Variants in PXDN observed in about 807,000 individuals in gnomAD.
The protein encoded by PXDN is peroxidasin, also known as peroxidasin homolog.
In PXDN, 77 loss-of-function variants were observed where a neutral mutation model predicts 140.3. The observed-to-expected ratio is 0.55, with a 90% CI of 0.46 to 0.66. The LOEUF (loss-of-function observed/expected upper bound fraction) is 0.66. Ranked by LOEUF, PXDN falls within the 30% of genes least tolerant of loss-of-function variation. The pLI, the probability that PXDN is intolerant of heterozygous loss-of-function variation, is 0.00. For synonymous variants in PXDN, 911 were observed against 857.4 expected, an observed-to-expected ratio of 1.06 and a Z score of -1.09; for missense variants, 1,838 against 2,039.5, an observed-to-expected ratio of 0.90 and a Z score of 1.90.
Position 1,638,910 on chromosome 2 carries a change from C to T in PXDN, c.4142G>A (p.Gly1381Glu). ...SAFSTRSDAS[G>E]TNDFREFVLE... is the part of the protein sequence containing the mutation. ...AACAAACTCTCTGAAGTCATTTGTC[C>T]CAGATGCATCTGAGCGTGTGCTGAA... is the stretch of plus-strand genomic sequence containing the variant. Residue 1381 changes from glycine (G) to glutamate (E), a missense_variant, in exon 21 of 23, where the codon GGG becomes GAG. By Grantham distance (98) the Gly-to-Glu change is moderately conservative. This residue lies in a region of PXDN where 850 missense variants were observed against 894.1 expected (regional missense o/e 0.95). Transcript: ENST00000252804. 3 of 1,613,996 alleles carry T rather than the reference C, an allele frequency of 1.9e-6. No homozygotes were observed. The highest frequency in any genetic ancestry group is 2.5e-6 in the Non-Finnish European group (3 of 1,179,866).
chr2:1,725,940 G>C (rs1480736774), intron 1 of PXDN, among the ~76,000 whole-genome samples: 1 of 150,394 alleles, frequency 6.6e-6, no homozygotes, highest in African/African-American at 2.4e-5. Context: ...AGGTGCTGGA[G>C]AGGATGTGGA....
Position 1,673,787 on chromosome 2 carries a change from A to T in PXDN, c.874T>A (p.Ser292Thr). Residue 292 changes from serine (S) to threonine (T), a missense_variant, in exon 9 of 23, where the codon TCC becomes ACC. This residue lies in a region of PXDN where 208 missense variants were observed against 325.8 expected (regional missense o/e 0.64). Transcript: ENST00000252804. ...CCATCGTCCAGCAAGTTTAGGCGGG[A>T]ATCTGTCTTCATGCTCAGCTCATTA... is the stretch of plus-strand genomic sequence containing the variant. ...NNNELSMKTD[S>T]RLNLLDDGTL... The T allele has an allele frequency of 1.2e-6, 2 of 1,613,998 alleles. No homozygotes were observed. The highest frequency in any genetic ancestry group is 1.7e-6 in the Non-Finnish European group (2 of 1,179,892).
intron 6 of PXDN, among the ~76,000 whole-genome samples, chr2:1,681,309 C>CA (rs1491165705): frequency 6.7e-6 from 1 of 149,574 alleles, no homozygotes; most frequent in African/African-American, 2.5e-5. Flanking sequence ...CTCTATTTCC[C>CA]TTTTTTTTTT....
chr2:1,683,888 TTCC>T (rs957299254), intron 5 of PXDN, among the ~76,000 whole-genome samples, 161 bp from the exon 6 acceptor site: 3 of 151,272 alleles, frequency 2.0e-5, no homozygotes, highest in Non-Finnish European at 4.4e-5. Context: ...TGGTTTTTTT[TTCC>T]TGTTTTATCA....
intron 1 of PXDN, among the ~76,000 whole-genome samples, chr2:1,700,826 G>GACC (rs1684407891): frequency 1.3e-5 from 2 of 152,176 alleles, no homozygotes; most frequent in Non-Finnish European, 2.9e-5. Context: ...AGTGAGCTGA[G>GACC]ATGGAGCCAC....
intron 6 of PXDN, 142 bp from the exon 7 acceptor site, chr2:1,680,504 G>A (rs982806876): frequency 2.2e-5 from 23 of 1,032,694 alleles, no homozygotes; most frequent in African/African-American, 1.1e-4. Context: ...GACACGTCTC[G>A]TGGTGGAATC....
At chr2:1,656,533 A>G (rs1275243528) in intron 14 of PXDN, among the ~76,000 whole-genome samples, 1 of 152,024 alleles carries the variant, frequency 6.6e-6, no homozygotes, top group Admixed American at 6.5e-5. Context: ...CCTGACAGAA[A>G]GCTGCCCCCT....
intron 1 of PXDN, among the ~76,000 whole-genome samples, chr2:1,709,367 G>A (rs941363188): frequency 3.7e-4 from 56 of 152,176 alleles, no homozygotes; most frequent in African/African-American, 1.3e-3. Context: ...GACGAGGGCA[G>A]GGTGTGTGGT....
At position 1,737,684 on chromosome 2, in the gene PXDN, G is replaced by A. The variant is rs377433847; in HGVS notation, c.200+6572C>T. On this transcript the variant is annotated intron_variant, in intron 1 of 22. Coordinates refer to ENST00000252804, the MANE Select transcript of PXDN (RefSeq NM_012293.3). ...CCTCCCGATAGCTGGAACTACAGGC[G>A]TGAGCCACCACGCCCGGCTAATTTT... Among the ~76,000 whole-genome samples, 6 of 151,924 alleles carry A rather than the reference G, an allele frequency of 3.9e-5. No individual in the cohort carries two copies. In the South Asian group the frequency reaches 6.2e-4, roughly 16 times the overall value.
intron 1 of PXDN, among the ~76,000 whole-genome samples, chr2:1,695,220 A>G (rs1438586383): frequency 2.6e-5 from 4 of 152,236 alleles, no homozygotes; most frequent in Non-Finnish European, 5.9e-5. Context: ...CCTTCCTGAC[A>G]TGCAGGCCTT....
Position 1,638,681 on chromosome 2 carries a change from T to C in PXDN, c.4206+165A>G, listed in dbSNP as rs6729173. On this transcript the variant is annotated intron_variant, in intron 21 of 22. Coordinates refer to ENST00000252804, the MANE Select transcript of PXDN (RefSeq NM_012293.3). ...GACACCAGTGGCACATGGCCCGGCC[T>C]GACCCAGCGTGCAGAAATGACACCC... Among the ~76,000 whole-genome samples the C allele has an allele frequency of 0.85, 128,728 of 152,024 alleles. 55,276 individuals are homozygous for C. Among genetic ancestry groups the C allele is most frequent in the East Asian group, 1 (5,114 of 5,120 alleles).
At chr2:1,681,554 C>T (rs1314964009) in intron 6 of PXDN, among the ~76,000 whole-genome samples, 1 of 151,898 alleles carries the variant, frequency 6.6e-6, no homozygotes, top group East Asian at 2.0e-4. Flanking sequence ...GGGGCCGACG[C>T]TGGCTCCAGG....
Position 1,660,939 on chromosome 2 carries a change from C to T in PXDN, c.1779G>A (p.Glu593=), listed in dbSNP as rs764703959. 4 of 1,614,004 alleles carry T rather than the reference C, an allele frequency of 2.5e-6. No homozygotes were observed. The South Asian group carries it at 4.4e-5, about 18-fold the overall frequency. The change falls in exon 14 of 23, where the codon GAG becomes GAA. Residue 593 remains glutamate, a synonymous_variant. Transcript: ENST00000252804. This position sits in a 1 kb window ranked among gnomAD's most constrained non-coding sequence, Gnocchi z 4.6. ...ACCCAATGGTGTTCCGGGCCACACA[C>T]TCATAGCGACCTGCGTCTGCAGGGC... ...DVGPADAGRY[E]CVARNTIGSA...
At chr2:1,636,374 C>G (rs1002021571) in intron 21 of PXDN, 16 of 152,614 alleles carry the variant, frequency 1.0e-4, no homozygotes, top group Non-Finnish European at 1.9e-4. Flanking sequence ...CTTCAGCAAG[C>G]CACCCACTTA....
chr2:1,693,309 T>G lies in PXDN; in HGVS notation c.201-175A>C, dbSNP rs190072852. Among the ~76,000 whole-genome samples the G allele has an allele frequency of 2.5e-3, 374 of 152,364 alleles. 3 individuals carry two copies. The highest frequency in any genetic ancestry group is 8.5e-3 in the African/African-American group (354 of 41,582). On this transcript the variant is annotated intron_variant, in intron 1 of 22. Transcript: ENST00000252804. ...AGGCTAGTAAGTGTATGAATATGTGTCTGAATGGTGGAACACCAGTAACCC... is the reference window on the plus strand; with the variant it reads ...AGGCTAGTAAGTGTATGAATATGTGGCTGAATGGTGGAACACCAGTAACCC...
At chr2:1,691,533 A>C (rs1308092614) in intron 3 of PXDN, among the ~76,000 whole-genome samples, 1 of 152,234 alleles carries the variant, frequency 6.6e-6, no homozygotes, top group African/African-American at 2.4e-5. Flanking sequence ...TGTCACCTGC[A>C]GCTGGCAAGG....
At chr2:1,670,516 A>T (rs1273634243) in intron 9 of PXDN, among the ~76,000 whole-genome samples, 1 of 152,144 alleles carries the variant, frequency 6.6e-6, no homozygotes, top group African/African-American at 2.4e-5. Context: ...CCTTTTTTAT[A>T]TATGTTAATA....
chr2:1,641,494 T>A (rs1682727001), intron 19 of PXDN, among the ~76,000 whole-genome samples: 2 of 152,238 alleles, frequency 1.3e-5, no homozygotes, highest in South Asian at 2.1e-4. Context: ...AAATAGCAAT[T>A]GACATTTGGT....
rs1410905912 is a variant in PXDN at position 1,633,953 on chromosome 2, A to G, written c.*251T>C. On this transcript the variant is annotated 3_prime_UTR_variant, in exon 23 of 23. Transcript: ENST00000252804. ...TTTTCATTTTAAAAGAATTAAATAA[A>G]AACCTGAGAAGTCTAACGTGAAGCT... is the stretch of plus-strand genomic sequence containing the variant. 4 of 399,986 alleles carry G rather than the reference A, an allele frequency of 1.0e-5. No homozygotes were observed. The highest frequency in any genetic ancestry group is 1.8e-5 in the Non-Finnish European group (4 of 225,680). 24.8% of individuals were successfully genotyped at this position (399,986 alleles called of 1,614,324 possible). A position where few individuals can be genotyped will look rare whatever the true frequency, so the allele number is the denominator to read the frequency against.
Sources: allele counts gnomAD v4.1 joint callset (sites outside exome capture counted in the v4.1 genomes callset), GRCh38; gene constraint gnomAD v4.1.1; regional missense constraint gnomAD v4.1.1; non-coding constraint Gnocchi (gnomAD v3.1); transcripts MANE v1.5; gene names NCBI Gene and HGNC (gene_info 2026-07-23, HGNC 2026-07-21).